The following PRKN variants were observed in gnomAD, a reference collection of about 807,000 sequenced individuals.
PRKN encodes parkin RBR E3 ubiquitin protein ligase.
In PRKN, 56 loss-of-function variants were observed where a neutral mutation model predicts 59.5. That is an observed-to-expected ratio of 0.94 (90% confidence interval 0.76 to 1.18). PRKN has a LOEUF of 1.18. PRKN is among the 50% of genes most tolerant of loss of function. The pLI, the probability that PRKN is intolerant of heterozygous loss-of-function variation, is 0.00. For missense variants in PRKN, 657 were observed against 596.4 expected, an observed-to-expected ratio of 1.10 and a Z score of -1.06; for synonymous variants, 250 against 222.1, an observed-to-expected ratio of 1.13 and a Z score of -1.12.
intron 1 of PRKN, chr6:162,727,276 T>TGAGGTGAGGGGCG (rs1779278983): frequency 1.5e-5 from 3 of 202,562 alleles, no homozygotes; most frequent in Non-Finnish European, 2.8e-5. Flanking sequence ...AACCGGCCAG[T>TGAGGTGAGGGGCG]GAGGTGAGGG....
intron 6 of PRKN, among the ~76,000 whole-genome samples, chr6:161,789,868 T>C (rs1246881075): frequency 6.6e-6 from 1 of 151,524 alleles, no homozygotes; most frequent in Non-Finnish European, 1.5e-5. Flanking sequence ...ATTTTTGTAG[T>C]TTCTCATACT....
chr6:162,156,246 T>G lies in PRKN; in HGVS notation c.534+44885A>C, dbSNP rs73592333. Among the ~76,000 whole-genome samples, 1,388 of 152,318 alleles carry G rather than the reference T, an allele frequency of 9.1e-3. 18 individuals are homozygous for G. The highest frequency in any genetic ancestry group is 0.032 in the African/African-American group (1,327 of 41,578). On this transcript the variant is annotated intron_variant, in intron 4 of 11. Coordinates refer to ENST00000366898, the MANE Select transcript of PRKN (RefSeq NM_004562.3). ...GTATCCAATCGTCCAAAAGTAACAT[T>G]ACTTGATGTGTTAGTCAGGGTTCCC...
rs193026166 is a variant in PRKN at position 161,946,974 on chromosome 6, T to G, written c.734+26328A>C. ...AAATACCCAAATTGCTGAACACTTCTGTAGATCTCATTTTTCTAAGAGTAA... is the reference window on the plus strand; with the variant it reads ...AAATACCCAAATTGCTGAACACTTCGGTAGATCTCATTTTTCTAAGAGTAA... On this transcript the variant is annotated intron_variant, in intron 6 of 11. Coordinates refer to ENST00000366898, the MANE Select transcript of PRKN (RefSeq NM_004562.3). 1.6e-3 allele frequency among the ~76,000 whole-genome samples: 248 copies of G among 152,338 alleles called. 1 individual carries two copies. Among genetic ancestry groups the G allele is most frequent in the African/African-American group, 5.6e-3 (233 of 41,586 alleles).
intron 6 of PRKN, among the ~76,000 whole-genome samples, chr6:161,841,802 C>T (rs766669294): frequency 1.3e-5 from 2 of 152,156 alleles, no homozygotes; most frequent in Admixed American, 6.5e-5. Context: ...CCTCGGCCTG[C>T]CTACAGCAAG....
intron 2 of PRKN, among the ~76,000 whole-genome samples, chr6:162,376,041 G>A (rs1436392786): frequency 6.6e-6 from 1 of 152,050 alleles, no homozygotes; most frequent in East Asian, 1.9e-4. Context: ...TGAGAAACAA[G>A]AACATCCTCT....
rs1056870557 is a variant in PRKN at position 161,578,879 on chromosome 6, G to A, written c.872-9463C>T. 6.6e-6 allele frequency among the ~76,000 whole-genome samples: 1 copy of A among 152,192 alleles called. No individual in the cohort carries two copies. The highest frequency in any genetic ancestry group is 2.4e-5 in the African/African-American group (1 of 41,432). On this transcript the variant is annotated intron_variant, in intron 7 of 11. Coordinates refer to ENST00000366898, the MANE Select transcript of PRKN (RefSeq NM_004562.3). The surrounding 1 kb of genome is among the most constrained non-coding windows in gnomAD (Gnocchi z 4.2). ...TTTGAATTGTGTGTATATTCTTGGC[G>A]CTTTGCCTTCACCTTTGAATTTCAT...
intron 2 of PRKN, among the ~76,000 whole-genome samples, chr6:162,433,942 C>G (rs189902570): frequency 7.9e-5 from 12 of 152,204 alleles, no homozygotes; most frequent in Admixed American, 5.2e-4. Flanking sequence ...TCAGAATATT[C>G]TATTAATTTA....
At chr6:162,283,897 C>T (rs1781043834) in intron 2 of PRKN, among the ~76,000 whole-genome samples, 1 of 152,166 alleles carries the variant, frequency 6.6e-6, no homozygotes, top group South Asian at 2.1e-4. Flanking sequence ...TACACACTAG[C>T]GTGTTCTCCA....
chr6:162,393,074 G>A (rs1262330524), intron 2 of PRKN, among the ~76,000 whole-genome samples: 1 of 151,724 alleles, frequency 6.6e-6, no homozygotes, highest in Non-Finnish European at 1.5e-5. Context: ...CCAGTAATTG[G>A]GTGACTGTTC....
chr6:161,616,770 T>C (rs1048110006), intron 7 of PRKN, among the ~76,000 whole-genome samples: 1 of 152,336 alleles, frequency 6.6e-6, no homozygotes, highest in African/African-American at 2.4e-5. Context: ...AAGTATTCCA[T>C]GGTGTATATG....
At chr6:162,585,901 C>T (rs1781030509) in intron 1 of PRKN, among the ~76,000 whole-genome samples, 2 of 151,984 alleles carry the variant, frequency 1.3e-5, no homozygotes, top group Admixed American at 1.3e-4. Context: ...AACAGGGTTT[C>T]ACCATGTTAG....
rs561598277 is a variant in PRKN at position 161,474,680 on chromosome 6, C to T, written c.1083+74174G>A. Reference sequence around the variant, plus strand: ...TGTGATCTCGGCTCACTGCAAGCTCCGCCTCGTGGGTTCACGCCATTCTCC... The same window carrying T: ...TGTGATCTCGGCTCACTGCAAGCTCTGCCTCGTGGGTTCACGCCATTCTCC... On this transcript the variant is annotated intron_variant, in intron 9 of 11. Coordinates refer to ENST00000366898, the MANE Select transcript of PRKN (RefSeq NM_004562.3). Among the ~76,000 whole-genome samples, 18 of 151,594 alleles carry T rather than the reference C, an allele frequency of 1.2e-4. No homozygotes were observed. In the South Asian group the frequency reaches 3.4e-3, roughly 28 times the overall value.
intron 6 of PRKN, among the ~76,000 whole-genome samples, chr6:161,890,632 ATGTC>A (rs1210112037): frequency 1.3e-5 from 2 of 152,136 alleles, no homozygotes; most frequent in African/African-American, 2.4e-5. Flanking sequence ...GGGAAGACAG[ATGTC>A]TGTCTGTGCC....
chr6:162,271,016 GTT>G (rs61368267), intron 2 of PRKN, among the ~76,000 whole-genome samples: 4 of 108,256 alleles, frequency 3.7e-5, no homozygotes, highest in Non-Finnish European at 3.6e-5. Context: ...TAATTTTCTA[GTT>G]TTTTTTTTTT....
At position 161,535,604 on chromosome 6, in the gene PRKN, C is replaced by A. The variant is rs536671734; in HGVS notation, c.1083+13250G>T. Among the ~76,000 whole-genome samples the A allele has an allele frequency of 3.9e-5, 6 of 152,346 alleles. No individual in the cohort carries two copies. The East Asian group carries it at 7.7e-4, about 20-fold the overall frequency. ...AGATATTTCCCAACTGCTTTGGGGG[C>A]TGGCCATGTAGCCTCACAAGTAACT... On this transcript the variant is annotated intron_variant, in intron 9 of 11. Transcript: ENST00000366898.
chr6:162,084,939 T>A (rs1779194406), intron 4 of PRKN, among the ~76,000 whole-genome samples: 1 of 151,726 alleles, frequency 6.6e-6, no homozygotes. Context: ...CTTCATTTAG[T>A]GTGAAGGCAG....
chr6:162,105,496 G>A (rs925103467), intron 4 of PRKN, among the ~76,000 whole-genome samples: 1 of 152,152 alleles, frequency 6.6e-6, no homozygotes, highest in African/African-American at 2.4e-5. Context: ...CCACTTCCTG[G>A]GTTCGAGCAA....
In PRKN at chr6:162,706,535, G is replaced by A. The variant is rs576903832; in HGVS notation, c.7+21127C>T. On this transcript the variant is annotated intron_variant, in intron 1 of 11. Transcript: ENST00000366898. Reference sequence around the variant, plus strand: ...TTGGGGAAATAAAAGCAAGCGCAGTGCAAAAGGCTGGGCGGCCATGTCGTC... The same window carrying A: ...TTGGGGAAATAAAAGCAAGCGCAGTACAAAAGGCTGGGCGGCCATGTCGTC... 2.3e-4 allele frequency among the ~76,000 whole-genome samples: 35 copies of A among 152,314 alleles called. No individual in the cohort carries two copies. The South Asian group carries it at 7.3e-3, about 32-fold the overall frequency.
intron 3 of PRKN, among the ~76,000 whole-genome samples, chr6:162,232,257 A>G (rs1415615700): frequency 3.3e-5 from 5 of 152,124 alleles, no homozygotes; most frequent in Non-Finnish European, 4.4e-5. Context: ...GCTGACCTGC[A>G]GTGCCTGTTG....
Sources: gnomAD v4.1 joint callset for allele counts (sites outside exome capture counted in the v4.1 genomes callset) on GRCh38, gnomAD v4.1.1 for gene constraint, Gnocchi (gnomAD v3.1) non-coding constraint, MANE v1.5 for transcripts, NCBI Gene and HGNC (gene_info 2026-07-23, HGNC 2026-07-21) for gene names.